CRYBG3: variants seen among roughly 807,000 people sequenced by gnomAD.
CRYBG3 encodes crystallin beta-gamma domain containing 3.
CRYBG3 carries 127 observed loss-of-function variants against 244.2 expected under a neutral mutation model. That is an observed-to-expected ratio of 0.52 (90% CI 0.45 to 0.60). CRYBG3 has a LOEUF of 0.60. Among genes scored for constraint, CRYBG3 ranks in the 20% least tolerant of loss-of-function variants. The probability of loss-of-function intolerance (pLI) is 0.00; values close to 1 mark genes in which losing one functional copy is unlikely to be tolerated. For missense variants in CRYBG3, 3,325 were observed against 3,442.5 expected (o/e 0.97, Z 0.85); for synonymous variants, 1,132 against 1,195.8 (o/e 0.95, Z 1.10).
intron 2 of CRYBG3, among the ~76,000 whole-genome samples, chr3:97,846,166 G>A (rs2038898134): frequency 6.6e-6 from 1 of 152,070 alleles, no homozygotes; most frequent in African/African-American, 2.4e-5. Flanking sequence ...TTAACCAGTT[G>A]AAACACTTTT....
At chr3:97,870,343 G>T (rs2039287091) in intron 3 of CRYBG3, among the ~76,000 whole-genome samples, 1 of 152,086 alleles carries the variant, frequency 6.6e-6, no homozygotes, top group Non-Finnish European at 1.5e-5. Context: ...CCTTCTTTGG[G>T]TCTATGTGTA....
intron 3 of CRYBG3, among the ~76,000 whole-genome samples, chr3:97,869,547 A>G (rs2039276260): frequency 1.3e-5 from 2 of 152,126 alleles, no homozygotes; most frequent in Non-Finnish European, 2.9e-5. Flanking sequence ...AATAAAAACA[A>G]TACATTGGGC....
At chr3:97,930,554 C>G (rs568882626) in intron 17 of CRYBG3, among the ~76,000 whole-genome samples, 134 of 152,098 alleles carry the variant, frequency 8.8e-4, no homozygotes, top group African/African-American at 3.2e-3. Context: ...GAGGGAAAAT[C>G]AATGCTCCTA....
chr3:97,899,309 T>G, intron 14 of CRYBG3, 46 bp downstream of exon 14: 2 of 1,567,304 alleles, frequency 1.3e-6, no homozygotes, highest in Non-Finnish European at 8.6e-7. Context: ...TGTAATAGTA[T>G]GCAATTAAAT....
intron 15 of CRYBG3, among the ~76,000 whole-genome samples, chr3:97,910,939 C>T (rs1387769136): frequency 6.6e-6 from 1 of 152,176 alleles, no homozygotes; most frequent in African/African-American, 2.4e-5. Flanking sequence ...TCTATATCTG[C>T]TAGGACTACA....
At chr3:97,908,480 T>C (rs1160476969) in intron 15 of CRYBG3, among the ~76,000 whole-genome samples, 1 of 152,234 alleles carries the variant, frequency 6.6e-6, no homozygotes, top group African/African-American at 2.4e-5. Flanking sequence ...CTTGTTGAAT[T>C]GATCCCCTTA....
At chr3:97,933,967 C>A in intron 18 of CRYBG3, 134 bp downstream of exon 18, 1 of 609,130 alleles carries the variant, frequency 1.6e-6, no homozygotes. Flanking sequence ...AAGAGAAGGG[C>A]TACCATATGG....
Position 97,896,094 on chromosome 3 carries a change from G to T in CRYBG3, c.7701+9G>T, listed in dbSNP as rs831895. The T allele has an allele frequency of 1.3e-3, 2,078 of 1,598,904 alleles. 19 individuals are homozygous for T. In the East Asian group the frequency reaches 0.021, roughly 17 times the overall value. On this transcript the variant is annotated intron_variant, in intron 12 of 21. Coordinates refer to ENST00000389622, the MANE Select transcript of CRYBG3 (RefSeq NM_153605.4). ...TCCGGTACTTACAAGCTGTGAGTTAGCTTCCTTATCCTTAATTTTCTACCT... is the reference window on the plus strand; with the variant it reads ...TCCGGTACTTACAAGCTGTGAGTTATCTTCCTTATCCTTAATTTTCTACCT...
At position 97,873,248 on chromosome 3, in the gene CRYBG3, C is replaced by G. The variant is rs1225061129; in HGVS notation, c.2054C>G (p.Thr685Ser). The G allele has an allele frequency of 1.4e-5, 22 of 1,535,060 alleles. No individual in the cohort carries two copies. The highest frequency in any genetic ancestry group is 1.8e-5 in the Non-Finnish European group (21 of 1,146,506). The change falls in exon 4 of 22, where the codon ACT (threonine) becomes AGT (serine). Residue 685 changes from threonine (T) to serine (S), a missense_variant. Transcript: ENST00000389622. ...GAGGGTTCTCCTGTGCCCATTGAAA[C>G]TGGGAATGTCAACATTGTTGGTATT... ...MNEGSPVPIE[T>S]GNVNIVGISY...
intron 10 of CRYBG3, 47 bp downstream of exon 10, chr3:97,889,437 T>C (rs2108230886): frequency 1.4e-6 from 2 of 1,411,856 alleles, no homozygotes; most frequent in Non-Finnish European, 1.0e-6. Context: ...GTCTCAGGAT[T>C]AATATTTATT....
intron 3 of CRYBG3, among the ~76,000 whole-genome samples, chr3:97,866,138 GTT>G (rs2039228240): frequency 6.6e-6 from 1 of 152,072 alleles, no homozygotes; most frequent in African/African-American, 2.4e-5. Flanking sequence ...TTTTTCCCCT[GTT>G]AAATTGATAA....
chr3:97,922,292 A>T lies in CRYBG3; in HGVS notation c.8241+6556A>T, dbSNP rs888908397. Reference sequence around the variant, plus strand: ...CATAGGCATGGGCAAGGACTTCATGACTAAAACACCAAAAGCAATGGCAAC... The same window carrying T: ...CATAGGCATGGGCAAGGACTTCATGTCTAAAACACCAAAAGCAATGGCAAC... On this transcript the variant is annotated intron_variant, in intron 17 of 21. Coordinates refer to ENST00000389622, the MANE Select transcript of CRYBG3 (RefSeq NM_153605.4). Among the ~76,000 whole-genome samples the T allele has an allele frequency of 5.9e-5, 9 of 152,234 alleles. 1 individual carries two copies. Among genetic ancestry groups the T allele is most frequent in the African/African-American group, 2.2e-4 (9 of 41,568 alleles).
chr3:97,869,038 CTG>C (rs1377075853), intron 3 of CRYBG3, among the ~76,000 whole-genome samples: 1 of 150,974 alleles, frequency 6.6e-6, no homozygotes, highest in African/African-American at 2.4e-5. Context: ...TTTTCAGACT[CTG>C]TATCTTCATA....
At chr3:97,908,849 T>A (rs369510572) in intron 15 of CRYBG3, among the ~76,000 whole-genome samples, 2 of 152,214 alleles carry the variant, frequency 1.3e-5, no homozygotes, top group Non-Finnish European at 2.9e-5. Flanking sequence ...GTCTGGATGG[T>A]CGTTACATTT....
At position 97,943,319 on chromosome 3, in the gene CRYBG3, A is replaced by G. The variant is rs761457254; in HGVS notation, c.*5A>G. On this transcript the variant is annotated 3_prime_UTR_variant, in exon 22 of 22. Coordinates refer to ENST00000389622, the MANE Select transcript of CRYBG3 (RefSeq NM_153605.4). ...TGGGACATTGAAATATTGTGAGAGA[A>G]TCAACATCCCTAGAAAGATCCCTAG... 2.0e-6 allele frequency: 3 copies of G among 1,494,554 alleles called. No homozygotes were observed. In the African/African-American group the frequency reaches 4.2e-5, roughly 21 times the overall value. 92.6% of individuals were successfully genotyped at this position (1,494,554 alleles called of 1,614,324 possible). A position where few individuals can be genotyped will look rare whatever the true frequency, so the allele number is the denominator to read the frequency against.
chr3:97,910,603 C>T (rs922305383), intron 15 of CRYBG3, among the ~76,000 whole-genome samples: 3 of 152,196 alleles, frequency 2.0e-5, no homozygotes, highest in Admixed American at 6.5e-5. Flanking sequence ...CTCCCTGCTT[C>T]GGTTCGCGCA....
chr3:97,825,789 A>G (rs1434664102), intron 1 of CRYBG3, among the ~76,000 whole-genome samples: 1 of 152,172 alleles, frequency 6.6e-6, no homozygotes, highest in Non-Finnish European at 1.5e-5. Context: ...GCTGCTAATG[A>G]GCTGTGGTGT....
At chr3:97,887,732 G>A (rs573485309) in intron 8 of CRYBG3, among the ~76,000 whole-genome samples, 7 of 152,208 alleles carry the variant, frequency 4.6e-5, no homozygotes, top group Non-Finnish European at 7.4e-5. Flanking sequence ...CTCCAGCCTG[G>A]GCAACAAGAG....
At chr3:97,858,657 G>A (rs1238118424) in intron 2 of CRYBG3, among the ~76,000 whole-genome samples, 1 of 151,816 alleles carries the variant, frequency 6.6e-6, no homozygotes, top group African/African-American at 2.4e-5. Flanking sequence ...CAACATTTCT[G>A]TTTGGTTCTT....
Sources: allele counts gnomAD v4.1 joint callset (sites outside exome capture counted in the v4.1 genomes callset), GRCh38; gene constraint gnomAD v4.1.1; transcripts MANE v1.5; gene names NCBI Gene and HGNC (gene_info 2026-07-23, HGNC 2026-07-21).